The following MGLL variants were observed in gnomAD, a reference collection of about 807,000 sequenced individuals.
MGLL encodes the protein lysophospholipase homolog.
A neutral mutation model predicts 29.1 loss-of-function variants in MGLL; 7 were observed. The ratio of observed to expected loss-of-function variants is 0.24; its 90% confidence interval spans 0.14 to 0.45. The LOEUF (loss-of-function observed/expected upper bound fraction) is 0.45. Among genes scored for constraint, MGLL ranks in the 20% least tolerant of loss-of-function variants. The probability of loss-of-function intolerance (pLI) is 0.99; values close to 1 mark genes in which losing one functional copy is unlikely to be tolerated. For missense variants in MGLL, 356 were observed against 413.6 expected, an observed-to-expected ratio of 0.86 and a Z score of 1.21; for synonymous variants, 148 against 168.3, an observed-to-expected ratio of 0.88 and a Z score of 0.93.
At chr3:127,817,730 C>A (rs890919064) in intron 2 of MGLL, among the ~76,000 whole-genome samples, 1 of 152,264 alleles carries the variant, frequency 6.6e-6, no homozygotes, top group Non-Finnish European at 1.5e-5. Flanking sequence ...CCTTCCCTCA[C>A]CTGAGCTCAT....
chr3:127,771,442 G>A (rs2076946819), intron 3 of MGLL, among the ~76,000 whole-genome samples: 1 of 152,168 alleles, frequency 6.6e-6, no homozygotes, highest in African/African-American at 2.4e-5. Flanking sequence ...TTGACCTCCT[G>A]GGTTCAAGCG....
intron 2 of MGLL, among the ~76,000 whole-genome samples, chr3:127,818,024 G>A (rs1472398450): frequency 3.3e-5 from 5 of 152,146 alleles, no homozygotes; most frequent in African/African-American, 7.2e-5. Context: ...GCAGTGGTGC[G>A]ATCTCCGCTC....
At chr3:127,762,191 C>T (rs754922839) in intron 3 of MGLL, among the ~76,000 whole-genome samples, 6 of 152,192 alleles carry the variant, frequency 3.9e-5, no homozygotes, top group African/African-American at 7.2e-5. Context: ...CCTTGTCTGC[C>T]GGCATGCGGT....
chr3:127,758,196 C>T (rs2076698588), intron 3 of MGLL, among the ~76,000 whole-genome samples: 1 of 152,194 alleles, frequency 6.6e-6, no homozygotes, highest in Non-Finnish European at 1.5e-5. Flanking sequence ...TGCTCAACTA[C>T]CACTTTCTCA....
intron 2 of MGLL, among the ~76,000 whole-genome samples, chr3:127,802,637 A>T (rs933093933): frequency 6.6e-6 from 1 of 152,240 alleles, no homozygotes; most frequent in African/African-American, 2.4e-5. Flanking sequence ...ATCGAAAAGC[A>T]GTTCTGCATT....
chr3:127,706,276 T>C (rs906329161), intron 6 of MGLL, among the ~76,000 whole-genome samples: 1 of 152,208 alleles, frequency 6.6e-6, no homozygotes, highest in Non-Finnish European at 1.5e-5. Context: ...ACTATGTGCA[T>C]GTCCCACGTA....
chr3:127,773,529 G>C (rs1414161088), intron 3 of MGLL, among the ~76,000 whole-genome samples: 1 of 152,242 alleles, frequency 6.6e-6, no homozygotes, highest in African/African-American at 2.4e-5. Context: ...GAGAGGCCTA[G>C]GCAGGTAGGG....
At chr3:127,812,831 C>T (rs982305578) in intron 2 of MGLL, among the ~76,000 whole-genome samples, 2 of 152,184 alleles carry the variant, frequency 1.3e-5, no homozygotes, top group East Asian at 1.9e-4. Context: ...GGGTCAGTAG[C>T]GTCTCTGGAG....
intron 3 of MGLL, among the ~76,000 whole-genome samples, chr3:127,764,466 C>T (rs2076821768): frequency 6.6e-6 from 1 of 152,078 alleles, no homozygotes; most frequent in Admixed American, 6.6e-5. Context: ...ACGGAAAGCC[C>T]CCAGGAGAGG....
chr3:127,822,389 C>T lies in MGLL; in HGVS notation c.-71G>A. 2.6e-6 allele frequency: 4 copies of T among 1,560,238 alleles called. No homozygotes were observed. Among genetic ancestry groups the T allele is most frequent in the Non-Finnish European group, 3.5e-6 (4 of 1,131,464 alleles). On this transcript the variant is annotated 5_prime_UTR_variant, in exon 1 of 8. Transcript: ENST00000265052. Reference sequence around the variant, plus strand: ...CAGAACCAGGCAAATCGGGCTGTTCCCTCATCTGGGCGGCCCCAAGGCAGC... The same window carrying T: ...CAGAACCAGGCAAATCGGGCTGTTCTCTCATCTGGGCGGCCCCAAGGCAGC...
intron 6 of MGLL, among the ~76,000 whole-genome samples, chr3:127,698,313 T>G (rs138937786): frequency 6.6e-6 from 1 of 152,310 alleles, no homozygotes; most frequent in Admixed American, 6.5e-5. Context: ...GTGGCAGTTC[T>G]GGCACAAGCA....
chr3:127,778,126 T>C (rs1476942138), intron 3 of MGLL, among the ~76,000 whole-genome samples: 1 of 152,270 alleles, frequency 6.6e-6, no homozygotes, highest in Admixed American at 6.5e-5. Context: ...CATTGAGCAA[T>C]GAGACCCATG....
intron 3 of MGLL, among the ~76,000 whole-genome samples, chr3:127,772,106 C>G (rs1039955571): frequency 3.7e-4 from 56 of 152,318 alleles, no homozygotes; most frequent in African/African-American, 1.3e-3. Flanking sequence ...GGCCCCAAAC[C>G]AAGCACTCTG....
At chr3:127,716,758 G>C (rs1489604527) in intron 5 of MGLL, among the ~76,000 whole-genome samples, 2 of 152,226 alleles carry the variant, frequency 1.3e-5, no homozygotes, top group African/African-American at 4.8e-5. Flanking sequence ...CCCACAGGCT[G>C]ACCTGTGCGC....
intron 5 of MGLL, among the ~76,000 whole-genome samples, chr3:127,718,776 C>T (rs2075864074): frequency 6.6e-6 from 1 of 152,126 alleles, no homozygotes; most frequent in Admixed American, 6.5e-5. Flanking sequence ...GAGAGACTCT[C>T]CCTGCATCCT....
chr3:127,749,946 G>A (rs1326578592), intron 3 of MGLL, among the ~76,000 whole-genome samples: 3 of 152,170 alleles, frequency 2.0e-5, no homozygotes, highest in African/African-American at 7.2e-5. Context: ...ATTCCAATGG[G>A]CCCAGTAGGT....
intron 7 of MGLL, among the ~76,000 whole-genome samples, chr3:127,693,339 G>A (rs139604409): frequency 6.6e-6 from 1 of 152,274 alleles, no homozygotes; most frequent in East Asian, 1.9e-4. Context: ...AGGCCACGGG[G>A]GGATGCTTTT....
In MGLL at chr3:127,689,340, G is replaced by A. The variant is rs1396313294; in HGVS notation, c.*2858C>T. On this transcript the variant is annotated 3_prime_UTR_variant, in exon 8 of 8. Coordinates refer to ENST00000265052, the MANE Select transcript of MGLL (RefSeq NM_007283.7). The stretch of plus-strand genomic sequence containing the variant: ...TCAGAGCACCCACCAGTGCTCCCTC[G>A]GTGAGCCCAGCACCACCTGGAAGTG... 6.6e-6 allele frequency: 1 copy of A among 152,208 alleles called. No homozygotes were observed. The highest frequency in any genetic ancestry group is 1.9e-4 in the East Asian group (1 of 5,176). 9.4% of individuals were successfully genotyped at this position (152,208 alleles called of 1,614,324 possible). A position where few individuals can be genotyped will look rare whatever the true frequency, so the allele number is the denominator to read the frequency against.
At chr3:127,703,470 C>T (rs2075538630) in intron 6 of MGLL, among the ~76,000 whole-genome samples, 1 of 152,168 alleles carries the variant, frequency 6.6e-6, no homozygotes, top group Non-Finnish European at 1.5e-5. Context: ...GTTACTTTTC[C>T]TAAATGTGAT....
Sources: allele counts gnomAD v4.1 joint callset (sites outside exome capture counted in the v4.1 genomes callset), GRCh38; gene constraint gnomAD v4.1.1; transcripts MANE v1.5; gene names NCBI Gene and HGNC (gene_info 2026-07-23, HGNC 2026-07-21).